The following TRAF7 variants were observed in gnomAD, a reference collection of about 807,000 sequenced individuals.
The protein encoded by TRAF7 is E3 ubiquitin-protein ligase TRAF7.
In TRAF7, 45 loss-of-function variants were observed where a neutral mutation model predicts 89.3. The ratio of observed to expected loss-of-function variants is 0.50; its 90% CI spans 0.40 to 0.65. TRAF7 has a LOEUF of 0.65. TRAF7 is among the 30% of genes least tolerant of loss of function. TRAF7 has a pLI of 0.00. For synonymous variants in TRAF7, 406 were observed against 369.2 expected, an observed-to-expected ratio of 1.10 and a Z score of -1.14; for missense variants, 677 against 918.1, an observed-to-expected ratio of 0.74 and a Z score of 3.39.
rs1273105915 is a variant in TRAF7, at chr16:2,158,070, G to A, written c.-39+2212G>A. Among the ~76,000 whole-genome samples the A allele has an allele frequency of 6.6e-6, 1 of 152,202 alleles. No homozygotes were observed. Among genetic ancestry groups the A allele is most frequent in the East Asian group, 1.9e-4 (1 of 5,200 alleles). On this transcript the variant is annotated intron_variant, in intron 1 of 20. Coordinates refer to ENST00000326181, the MANE Select transcript of TRAF7 (RefSeq NM_032271.3). This position sits in a 1 kb window ranked among gnomAD's most constrained non-coding sequence, Gnocchi z 4.7. The stretch of plus-strand genomic sequence containing the variant: ...GTGGACTTTGAACCCAGCTCTGTCT[G>A]AGCCCAGTGCCTGTGGCCTTGACCA...
At chr16:2,157,428 G>T (rs1405581077) in intron 1 of TRAF7, among the ~76,000 whole-genome samples, 1 of 152,186 alleles carries the variant, frequency 6.6e-6, no homozygotes, top group Non-Finnish European at 1.5e-5. Context: ...TTCTGGAAGT[G>T]AATGGAAAAG....
intron 2 of TRAF7, among the ~76,000 whole-genome samples, chr16:2,164,947 G>T (rs1466745802): frequency 8.8e-5 from 5 of 57,142 alleles, no homozygotes; most frequent in African/African-American, 9.5e-5. Context: ...TTAAGCGTGT[G>T]AGTGCTGTGT....
Position 2,163,605 on chromosome 16 carries a change from C to T in TRAF7, c.-38-278C>T, listed in dbSNP as rs970579661. 1.7e-5 allele frequency: 7 copies of T among 403,184 alleles called. No individual in the cohort carries two copies. The highest frequency in any genetic ancestry group is 5.5e-5 in the East Asian group (1 of 18,344). The allele number at this position is 403,184 out of a possible 1,614,324, so 25.0% of individuals were successfully genotyped here. Reference sequence around the variant, plus strand: ...GAGCCAGGCAGGGGTCCCTCCACCTCGGGGAAGAGCTGGATGGGCTCTTCG... The same window carrying T: ...GAGCCAGGCAGGGGTCCCTCCACCTTGGGGAAGAGCTGGATGGGCTCTTCG... On this transcript the variant is annotated intron_variant, in intron 1 of 20. Coordinates refer to ENST00000326181, the MANE Select transcript of TRAF7 (RefSeq NM_032271.3). This position sits in a 1 kb window ranked among gnomAD's most constrained non-coding sequence, Gnocchi z 4.3.
intron 14 of TRAF7, among the ~76,000 whole-genome samples, 155 bp from the exon 15 acceptor site, chr16:2,174,956 G>A (rs1278360374): frequency 1.3e-5 from 2 of 152,240 alleles, no homozygotes; most frequent in Admixed American, 6.5e-5. Flanking sequence ...TGTGGAGACT[G>A]GAAAATAGGC....
intron 1 of TRAF7, among the ~76,000 whole-genome samples, chr16:2,157,539 C>T (rs1247196185): frequency 1.3e-5 from 2 of 152,190 alleles, no homozygotes; most frequent in Admixed American, 1.3e-4. Flanking sequence ...CACAAGGCTC[C>T]TAGCTCCTCC....
intron 6 of TRAF7, 99 bp from the exon 7 acceptor site, chr16:2,171,473 C>T: frequency 1.3e-6 from 2 of 1,578,130 alleles, no homozygotes; most frequent in East Asian, 2.4e-5. Flanking sequence ...CCTGGCTGCA[C>T]TGGGCTTGGG....
intron 2 of TRAF7, 57 bp from the exon 3 acceptor site, chr16:2,165,822 G>A (rs556702176): frequency 6.2e-6 from 10 of 1,607,542 alleles, no homozygotes; most frequent in East Asian, 2.2e-5. Flanking sequence ...GGCTCCACAT[G>A]TGCACGTCCT....
chr16:2,173,672 C>A, intron 11 of TRAF7, 116 bp from the exon 12 acceptor site: 1 of 1,568,524 alleles, frequency 6.4e-7, no homozygotes, highest in Non-Finnish European at 8.7e-7. Flanking sequence ...TTGTGTGTGG[C>A]AGGGGCTGCT....
chr16:2,156,003 G>A (rs1186914751), intron 1 of TRAF7, 145 bp downstream of exon 1: 1 of 147,716 alleles, frequency 6.8e-6, no homozygotes, highest in African/African-American at 2.5e-5. Flanking sequence ...GGGCTGAGAC[G>A]GTCGGGGTCG....
intron 3 of TRAF7, among the ~76,000 whole-genome samples, chr16:2,167,819 G>A (rs2093092440): frequency 6.6e-6 from 1 of 152,242 alleles, no homozygotes; most frequent in East Asian, 1.9e-4. Context: ...CAGGGCTGGG[G>A]CAGGGGCTAC....
intron 5 of TRAF7, among the ~76,000 whole-genome samples, 174 bp from the exon 6 acceptor site, chr16:2,171,090 C>T (rs375946445): frequency 6.6e-6 from 1 of 152,194 alleles, no homozygotes; most frequent in Non-Finnish European, 1.5e-5. Flanking sequence ...CCACAGACCT[C>T]GCTCTCCCTC....
In TRAF7 at chr16:2,170,718, G is replaced by A. The variant is rs1331295957; in HGVS notation, c.336G>A (p.Glu112=). The stretch of plus-strand genomic sequence containing the variant: ...GCTCCACATTCTCACTGCCCGAGGA[G>A]GAGGAGGAGCCGGTAGGTGTGGGGG... The part of the protein sequence containing the change: ...SLRSTFSLPE[E]EEEPEPLVFA... The change falls in exon 5 of 21, where the codon GAG becomes GAA. Residue 112 remains glutamate, a synonymous_variant. Coordinates refer to ENST00000326181, the MANE Select transcript of TRAF7 (RefSeq NM_032271.3). 1 of 1,601,590 alleles carries A rather than the reference G, an allele frequency of 6.2e-7. No homozygotes were observed. The highest frequency in any genetic ancestry group is 2.3e-5 in the East Asian group (1 of 44,076).
In TRAF7 at chr16:2,158,526, C is replaced by T. The variant is rs1170551732; in HGVS notation, c.-39+2668C>T. Among the ~76,000 whole-genome samples the T allele has an allele frequency of 3.9e-5, 6 of 152,308 alleles. No homozygotes were observed. Among genetic ancestry groups the T allele is most frequent in the East Asian group, 1.9e-4 (1 of 5,180 alleles). On this transcript the variant is annotated intron_variant, in intron 1 of 20. Transcript: ENST00000326181. This position sits in a 1 kb window ranked among gnomAD's most constrained non-coding sequence, Gnocchi z 4.7. ...GACGCAGAGGGCCAGGACTGAGGGCCGTGGGACGGTGTGGGAAAGGAGGTG... is the reference window on the plus strand; with the variant it reads ...GACGCAGAGGGCCAGGACTGAGGGCTGTGGGACGGTGTGGGAAAGGAGGTG...
Position 2,162,838 on chromosome 16 carries a change from C to G in TRAF7, c.-38-1045C>G, listed in dbSNP as rs1389729746. Among the ~76,000 whole-genome samples the G allele has an allele frequency of 6.6e-6, 1 of 152,074 alleles. No homozygotes were observed. The highest frequency in any genetic ancestry group is 1.5e-5 in the Non-Finnish European group (1 of 67,994). On this transcript the variant is annotated intron_variant, in intron 1 of 20. Transcript: ENST00000326181. This position sits in a 1 kb window ranked among gnomAD's most constrained non-coding sequence, Gnocchi z 5.0. ...AGCTTCAAGCCGGGGCTCGGCTGCGCTATCCGCTGCCAGCAGGAGACAGGG... is the reference window on the plus strand; with the variant it reads ...AGCTTCAAGCCGGGGCTCGGCTGCGGTATCCGCTGCCAGCAGGAGACAGGG...
rs747327422 is a variant in TRAF7 at position 2,172,249 on chromosome 16, C to T, written c.534C>T (p.Ala178=). 103 of 1,612,894 alleles carry T rather than the reference C, an allele frequency of 6.4e-5. No individual in the cohort carries two copies. Among genetic ancestry groups the T allele is most frequent in the East Asian group, 2.9e-4 (13 of 44,886 alleles). Residue 178 remains alanine (A), a synonymous_variant, in exon 8 of 21, where the codon GCC becomes GCT. Coordinates refer to ENST00000326181, the MANE Select transcript of TRAF7 (RefSeq NM_032271.3). ...LTVVVNNIAV[A]EQIGELFIHC... Reference sequence around the variant, plus strand: ...TGGTGGTGAACAACATCGCGGTGGCCGAGCAGATCGGGGAGCTCTTCATCC... The same window carrying T: ...TGGTGGTGAACAACATCGCGGTGGCTGAGCAGATCGGGGAGCTCTTCATCC...
In TRAF7 at chr16:2,166,030, C is replaced by G. The variant is rs963398516; in HGVS notation, c.139+94C>G. Reference sequence around the variant, plus strand: ...GGACTGAGGGACACTTCCCGGTGAGCTGGTGTTGGGTGCCAGTGCTGGGCG... The same window carrying G: ...GGACTGAGGGACACTTCCCGGTGAGGTGGTGTTGGGTGCCAGTGCTGGGCG... On this transcript the variant is annotated intron_variant, in intron 3 of 20. Coordinates refer to ENST00000326181, the MANE Select transcript of TRAF7 (RefSeq NM_032271.3). The G allele has an allele frequency of 2.0e-6, 3 of 1,518,714 alleles. No individual in the cohort carries two copies. In the African/African-American group the frequency reaches 4.1e-5, roughly 21 times the overall value. 94.1% of individuals were successfully genotyped at this position (1,518,714 alleles called of 1,614,324 possible).
rs371097636 is a variant in TRAF7, at chr16:2,171,324, G to A, written c.409G>A (p.Val137Ile). The A allele has an allele frequency of 5.7e-5, 88 of 1,555,164 alleles. No homozygotes were observed. Among genetic ancestry groups the A allele is most frequent in the Non-Finnish European group, 6.5e-5 (75 of 1,149,802 alleles). ...GCTGTGCTGTCAGCTCTGCTGCAGC[G>A]TCTTCAAAGACCCCGTGATCACCAC... Reference protein sequence around the residue: ...VKLCCQLCCSVFKDPVITTCG... With the variant: ...VKLCCQLCCSIFKDPVITTCG... Residue 137 changes from valine (V) to isoleucine (I), a missense_variant, in exon 6 of 21, where the codon GTC becomes ATC. By Grantham distance (29) the Val-to-Ile change is conservative. This residue lies in a region of TRAF7 where 240 missense variants were observed against 191.9 expected (regional missense o/e 1.25). Transcript: ENST00000326181.
In TRAF7 at chr16:2,172,327, G is replaced by A. The variant is rs758995467; in HGVS notation, c.612G>A (p.Glu204=). 1.1e-4 allele frequency: 176 copies of A among 1,612,364 alleles called. 1 individual carries two copies. The Admixed American group carries it at 2.9e-3, about 26-fold the overall frequency. The part of the protein sequence containing the change: ...VAGSGKPPIF[E]VDPRGCPFTI... ...GCAGCGGGAAGCCCCCCATCTTTGA[G>A]GTGGACCCCCGAGGGTGCCCCTTCA... Residue 204 remains glutamate, a synonymous_variant, in exon 8 of 21, where the codon GAG becomes GAA. Coordinates refer to ENST00000326181, the MANE Select transcript of TRAF7 (RefSeq NM_032271.3).
At chr16:2,173,878 C>G (rs774064735) in intron 12 of TRAF7, 42 bp downstream of exon 12, 22 of 1,603,078 alleles carry the variant, frequency 1.4e-5, no homozygotes, top group East Asian at 2.2e-5. Flanking sequence ...CCCTCCCCCC[C>G]GGGCCCCAAC....
Sources: gnomAD v4.1 joint callset for allele counts (sites outside exome capture counted in the v4.1 genomes callset) on GRCh38, gnomAD v4.1.1 for gene constraint, gnomAD v4.1.1 regional missense constraint, Gnocchi (gnomAD v3.1) non-coding constraint, MANE v1.5 for transcripts, NCBI Gene and HGNC (gene_info 2026-07-23, HGNC 2026-07-21) for gene names.